CNTN4: variants seen among roughly 807,000 people sequenced by gnomAD.
CNTN4 encodes the protein contactin 4.
Under a neutral mutation model 122.5 loss-of-function variants are expected in CNTN4, and 77 were observed. The observed-to-expected ratio is 0.63, with a 90% CI of 0.52 to 0.76. CNTN4 has a LOEUF of 0.76. Ranked by LOEUF, CNTN4 falls within the 30% of genes least tolerant of loss-of-function variation. The probability of loss-of-function intolerance (pLI) is 0.00; values close to 1 mark genes in which losing one functional copy is unlikely to be tolerated. For synonymous variants in CNTN4, 512 were observed against 447.0 expected, an observed-to-expected ratio of 1.15 and a Z score of -1.83; for missense variants, 1,256 against 1,259.1, an observed-to-expected ratio of 1.00 and a Z score of 0.04.
chr3:2,951,998 C>T (rs1035028195), intron 13 of CNTN4, among the ~76,000 whole-genome samples: 4 of 152,248 alleles, frequency 2.6e-5, no homozygotes, highest in African/African-American at 9.6e-5. Context: ...AACTCTATAC[C>T]CAGGTGCCAG....
At chr3:2,885,031 A>G (rs1426425858) in intron 9 of CNTN4, among the ~76,000 whole-genome samples, 1 of 152,198 alleles carries the variant, frequency 6.6e-6, no homozygotes, top group Non-Finnish European at 1.5e-5. Flanking sequence ...CCTTTTCTGC[A>G]TTTTGAGTTA....
chr3:2,170,510 G>C (rs1001361416), intron 2 of CNTN4, among the ~76,000 whole-genome samples: 6 of 152,152 alleles, frequency 3.9e-5, no homozygotes, highest in Non-Finnish European at 2.9e-5. Flanking sequence ...CTCCTAAATG[G>C]GAAGTCCTGT....
rs75536972 is a variant in CNTN4 at position 2,988,120 on chromosome 3, C to T, written c.1359-225C>T. 0.039 allele frequency among the ~76,000 whole-genome samples: 5,887 copies of T among 152,162 alleles called. 164 individuals are homozygous for T. The highest frequency in any genetic ancestry group is 0.058 in the Non-Finnish European group (3,941 of 68,002). On this transcript the variant is annotated intron_variant, in intron 13 of 24. Transcript: ENST00000418658. ...TGGCTATTCCAACTGACTGTTGAGA[C>T]CATTTTAGCAAGAAAAGAATTAAAA...
chr3:2,455,859 T>C (rs1276401724), intron 3 of CNTN4, among the ~76,000 whole-genome samples: 2 of 152,072 alleles, frequency 1.3e-5, no homozygotes, highest in African/African-American at 4.8e-5. Context: ...TAGTGGAGAC[T>C]AAACCTGGAC....
intron 13 of CNTN4, among the ~76,000 whole-genome samples, chr3:2,982,488 C>G (rs992955094): frequency 9.9e-5 from 15 of 152,198 alleles, no homozygotes; most frequent in African/African-American, 3.6e-4. Context: ...TTCTCTTTCT[C>G]TCTCTCTTTC....
chr3:2,619,742 T>C (rs984274630), intron 4 of CNTN4, among the ~76,000 whole-genome samples: 1 of 152,210 alleles, frequency 6.6e-6, no homozygotes, highest in Non-Finnish European at 1.5e-5. Context: ...AAGCACTTTT[T>C]CCTTGAAATG....
At chr3:2,389,215 A>G (rs1301016271) in intron 3 of CNTN4, among the ~76,000 whole-genome samples, 1 of 151,452 alleles carries the variant, frequency 6.6e-6, no homozygotes, top group African/African-American at 2.4e-5. Flanking sequence ...TCATTCCTGC[A>G]TGTTGTGCCT....
At chr3:2,586,418 G>A (rs1302404058) in intron 4 of CNTN4, among the ~76,000 whole-genome samples, 3 of 152,138 alleles carry the variant, frequency 2.0e-5, no homozygotes, top group African/African-American at 4.8e-5. Context: ...TCAGCCTCCA[G>A]AGGAGCTGGG....
At chr3:2,528,728 A>G (rs1410351409) in intron 3 of CNTN4, among the ~76,000 whole-genome samples, 1 of 152,106 alleles carries the variant, frequency 6.6e-6, no homozygotes, top group Non-Finnish European at 1.5e-5. Context: ...GTTTTTTTCA[A>G]TATTAGCCTT....
chr3:2,393,039 A>G (rs2046501224), intron 3 of CNTN4, among the ~76,000 whole-genome samples: 1 of 152,170 alleles, frequency 6.6e-6, no homozygotes, highest in Non-Finnish European at 1.5e-5. Context: ...AGAAGGCCAA[A>G]ATCCAAGTTG....
chr3:2,488,450 GTT>G (rs2076225158), intron 3 of CNTN4, among the ~76,000 whole-genome samples: 2 of 152,048 alleles, frequency 1.3e-5, no homozygotes, highest in African/African-American at 4.8e-5. Flanking sequence ...GTGAGTGAGT[GTT>G]GGGGGGTGTG....
chr3:2,684,304 A>G (rs568992221), intron 4 of CNTN4, among the ~76,000 whole-genome samples: 48 of 152,304 alleles, frequency 3.2e-4, no homozygotes, highest in African/African-American at 1.1e-3. Flanking sequence ...GGAGCAGAAT[A>G]GGCCAGCCTA....
chr3:2,444,480 C>T (rs559426730), intron 3 of CNTN4, among the ~76,000 whole-genome samples: 7 of 151,928 alleles, frequency 4.6e-5, no homozygotes, highest in Admixed American at 2.6e-4. Context: ...TTACCGTATT[C>T]GAGAAAGAGA....
At chr3:2,493,930 A>G (rs115996879) in intron 3 of CNTN4, among the ~76,000 whole-genome samples, 2 of 152,230 alleles carry the variant, frequency 1.3e-5, no homozygotes, top group Non-Finnish European at 2.9e-5. Flanking sequence ...GAAGATGAAA[A>G]TGCTATTCTA....
At chr3:3,025,777 T>A (rs572335638) in intron 14 of CNTN4, among the ~76,000 whole-genome samples, 6 of 152,278 alleles carry the variant, frequency 3.9e-5, no homozygotes, top group Non-Finnish European at 8.8e-5. Flanking sequence ...GACGAAAACC[T>A]TTTCAAAGAG....
intron 6 of CNTN4, among the ~76,000 whole-genome samples, chr3:2,802,187 T>C (rs969208334): frequency 2.0e-5 from 3 of 152,228 alleles, no homozygotes; most frequent in African/African-American, 7.2e-5. Flanking sequence ...GCCCACCAAG[T>C]GCCCATCCCT....
chr3:2,438,574 T>G (rs1398023461), intron 3 of CNTN4, among the ~76,000 whole-genome samples: 1 of 152,200 alleles, frequency 6.6e-6, no homozygotes, highest in Non-Finnish European at 1.5e-5. Context: ...ACTTATTTGT[T>G]TGTTTACTTT....
At chr3:2,351,719 A>G (rs1002916530) in intron 3 of CNTN4, among the ~76,000 whole-genome samples, 5 of 152,156 alleles carry the variant, frequency 3.3e-5, no homozygotes, top group African/African-American at 1.2e-4. Context: ...AACAAACTCC[A>G]GAAAGCAAAC....
chr3:2,327,437 C>T (rs1297811770), intron 2 of CNTN4, among the ~76,000 whole-genome samples: 1 of 152,164 alleles, frequency 6.6e-6, no homozygotes, highest in Non-Finnish European at 1.5e-5. Context: ...ATTGTAAACA[C>T]ATATGGATCT....
Sources: allele counts gnomAD v4.1 joint callset (sites outside exome capture counted in the v4.1 genomes callset), GRCh38; gene constraint gnomAD v4.1.1; transcripts MANE v1.5; gene names NCBI Gene and HGNC (gene_info 2026-07-23, HGNC 2026-07-21).